The following SMYD3 variants were observed in gnomAD, a reference collection of about 807,000 sequenced individuals.
SMYD3 encodes SET and MYND domain containing 3, also known as histone-lysine N-methyltransferase SMYD3.
SMYD3 carries 36 observed loss-of-function variants against 57.7 expected under a neutral mutation model. The observed-to-expected ratio is 0.62, with a 90% CI of 0.48 to 0.82. The LOEUF (loss-of-function observed/expected upper bound fraction) is 0.82, where lower values mean the gene tolerates loss of function less well. Among genes scored for constraint, SMYD3 ranks in the 40% least tolerant of loss-of-function variants. The pLI, the probability that SMYD3 is intolerant of heterozygous loss-of-function variation, is 0.00. For missense variants in SMYD3, 515 were observed against 538.8 expected (o/e 0.96, Z 0.44); for synonymous variants, 211 against 195.0 (o/e 1.08, Z -0.68).
intron 8 of SMYD3, among the ~76,000 whole-genome samples, chr1:245,898,657 T>G (rs2053986709): frequency 6.6e-6 from 1 of 152,222 alleles, no homozygotes; most frequent in Admixed American, 6.5e-5. Context: ...TTCAATAACC[T>G]AGCAGTGAGG....
At chr1:246,074,689 AGAAACAAAAG>A (rs531538506) in intron 5 of SMYD3, among the ~76,000 whole-genome samples, 4 of 152,344 alleles carry the variant, frequency 2.6e-5, no homozygotes, top group Admixed American at 2.6e-4. Flanking sequence ...AGCTTCTTAA[AGAAACAAAAG>A]GAAAGTGACA....
intron 10 of SMYD3, among the ~76,000 whole-genome samples, chr1:245,817,173 GT>G (rs2048872418): frequency 6.7e-6 from 1 of 149,606 alleles, no homozygotes; most frequent in African/African-American, 2.5e-5. Context: ...GAGAGCAGTG[GT>G]TCTCCCAGCA....
intron 5 of SMYD3, among the ~76,000 whole-genome samples, chr1:246,038,491 C>T (rs141460028): frequency 2.0e-3 from 300 of 152,278 alleles, no homozygotes; most frequent in Non-Finnish European, 3.6e-3. Context: ...CTGGTGGGAG[C>T]CAGGACGTAC....
intron 1 of SMYD3, among the ~76,000 whole-genome samples, chr1:246,440,348 A>T (rs1371697107): frequency 6.6e-6 from 1 of 152,202 alleles, no homozygotes; most frequent in Non-Finnish European, 1.5e-5. Flanking sequence ...CAAATTGAGT[A>T]CTTACCGTTT....
intron 5 of SMYD3, among the ~76,000 whole-genome samples, chr1:246,275,213 G>A (rs998152712): frequency 5.3e-5 from 8 of 152,294 alleles, no homozygotes; most frequent in Non-Finnish European, 7.3e-5. Flanking sequence ...CATCTCTACC[G>A]AAACTACTCA....
chr1:245,874,220 CA>C (rs775517629), intron 8 of SMYD3, among the ~76,000 whole-genome samples: 35 of 152,158 alleles, frequency 2.3e-4, no homozygotes, highest in Non-Finnish European at 4.0e-4. Context: ...TCTGCCAAAC[CA>C]AGAATTTGAC....
At chr1:246,252,336 A>T (rs1029277879) in intron 5 of SMYD3, among the ~76,000 whole-genome samples, 9 of 152,228 alleles carry the variant, frequency 5.9e-5, no homozygotes, top group African/African-American at 2.2e-4. Flanking sequence ...ATAATAAAAG[A>T]TAACACAGTG....
intron 5 of SMYD3, among the ~76,000 whole-genome samples, chr1:246,191,958 C>CA (rs1333642425): frequency 6.6e-6 from 1 of 152,188 alleles, no homozygotes; most frequent in Non-Finnish European, 1.5e-5. Flanking sequence ...AACCACTGCA[C>CA]AAAAACAGAT....
intron 1 of SMYD3, among the ~76,000 whole-genome samples, chr1:246,425,202 G>C (rs376612303): frequency 6.6e-6 from 1 of 152,136 alleles, no homozygotes; most frequent in Admixed American, 6.5e-5. Context: ...AAGCACATGC[G>C]GTGAGTGGTA....
intron 5 of SMYD3, among the ~76,000 whole-genome samples, chr1:246,087,184 G>T (rs921414274): frequency 6.6e-6 from 1 of 152,162 alleles, no homozygotes; most frequent in African/African-American, 2.4e-5. Context: ...TTGGCCAGAA[G>T]AGTTTTCAAA....
chr1:246,472,853 C>CTTTTTTT (rs74163449), intron 1 of SMYD3, among the ~76,000 whole-genome samples: 3 of 102,910 alleles, frequency 2.9e-5, no homozygotes, highest in Non-Finnish European at 3.9e-5. Flanking sequence ...TCTCAAATTT[C>CTTTTTTT]TTTTTTTTTT....
rs1311450435 is a variant in SMYD3, at chr1:246,303,535, CTCT to C, written c.531+23663_531+23665del. On this transcript the variant is annotated intron_variant, in intron 5 of 11. Coordinates refer to ENST00000490107, the MANE Select transcript of SMYD3 (RefSeq NM_001167740.2). Reference sequence around the variant, plus strand: ...AACACTATATAAATTAGTTGTTATACTCTTTTTTAAATTTTATATTATTTTTAT... The same window carrying C: ...AACACTATATAAATTAGTTGTTATACTTTTTAAATTTTATATTATTTTTAT... Among the ~76,000 whole-genome samples, 11 of 152,138 alleles carry C rather than the reference CTCT, an allele frequency of 7.2e-5. No individual in the cohort carries two copies. The East Asian group carries it at 2.1e-3, about 29-fold the overall frequency.
chr1:246,323,993 C>G (rs1216289633), intron 5 of SMYD3, among the ~76,000 whole-genome samples: 1 of 152,118 alleles, frequency 6.6e-6, no homozygotes, highest in Non-Finnish European at 1.5e-5. Flanking sequence ...CATGAAGATT[C>G]ATTCTACTAG....
chr1:246,167,673 G>A lies in SMYD3; in HGVS notation c.531+159528C>T, dbSNP rs141537791. Among the ~76,000 whole-genome samples, 414 of 152,032 alleles carry A rather than the reference G, an allele frequency of 2.7e-3. 2 individuals carry two copies. The highest frequency in any genetic ancestry group is 9.2e-3 in the African/African-American group (382 of 41,450). ...TTATAGGCACACCCCACCAGGCCTG[G>A]CTAATTTTTGTATTTTTAGGAGAGA... On this transcript the variant is annotated intron_variant, in intron 5 of 11. Transcript: ENST00000490107.
intron 5 of SMYD3, among the ~76,000 whole-genome samples, chr1:246,155,423 T>C (rs1459459493): frequency 2.0e-5 from 3 of 152,214 alleles, no homozygotes; most frequent in African/African-American, 4.8e-5. Context: ...TGATTGTTTG[T>C]AGATATGCTG....
intron 5 of SMYD3, among the ~76,000 whole-genome samples, chr1:246,267,935 T>C (rs2064142198): frequency 6.6e-6 from 1 of 152,194 alleles, no homozygotes; most frequent in Non-Finnish European, 1.5e-5. Flanking sequence ...TTTCTGTCTT[T>C]TCCTATGAGC....
At chr1:245,957,189 T>G (rs1171473828) in intron 5 of SMYD3, among the ~76,000 whole-genome samples, 1 of 152,198 alleles carries the variant, frequency 6.6e-6, no homozygotes, top group East Asian at 1.9e-4. Flanking sequence ...CAGATAAGAT[T>G]TTCCATGAAA....
At position 246,072,211 on chromosome 1, in the gene SMYD3, A is replaced by G. The variant is rs867464740; in HGVS notation, c.532-142274T>C. Among the ~76,000 whole-genome samples the G allele has an allele frequency of 2.2e-4, 23 of 105,438 alleles. 2 individuals are homozygous for G. The highest frequency in any genetic ancestry group is 3.2e-4 in the South Asian group (1 of 3,094). The allele number at this position is 105,438 out of a possible 152,430, so 69.2% of individuals were successfully genotyped here. The stretch of plus-strand genomic sequence containing the variant: ...CGGGGGAGGGATTCATGTGCTTTCC[A>G]CTGTGCTCACTGTGGATGCTTCCTG... On this transcript the variant is annotated intron_variant, in intron 5 of 11. Coordinates refer to ENST00000490107, the MANE Select transcript of SMYD3 (RefSeq NM_001167740.2).
intron 5 of SMYD3, among the ~76,000 whole-genome samples, chr1:246,161,117 C>T (rs1214175710): frequency 6.6e-6 from 1 of 152,136 alleles, no homozygotes; most frequent in African/African-American, 2.4e-5. Context: ...AGCACCACCC[C>T]GCTCCACCCT....
Sources: gnomAD v4.1 joint callset for allele counts (sites outside exome capture counted in the v4.1 genomes callset) on GRCh38, gnomAD v4.1.1 for gene constraint, MANE v1.5 for transcripts, NCBI Gene and HGNC (gene_info 2026-07-23, HGNC 2026-07-21) for gene names.